Variants in SLC7A7 observed in about 807,000 individuals in gnomAD.
SLC7A7 encodes Y+L amino acid transporter 1.
Under a neutral mutation model 47.9 loss-of-function variants are expected in SLC7A7, and 39 were observed. The ratio of observed to expected loss-of-function variants is 0.81; its 90% CI spans 0.63 to 1.06. The LOEUF (loss-of-function observed/expected upper bound fraction) is 1.06. SLC7A7 is among the 50% of genes least tolerant of loss of function. The pLI, the probability that SLC7A7 is intolerant of heterozygous loss-of-function variation, is 0.00. For missense variants in SLC7A7, 588 were observed against 632.0 expected (o/e 0.93, Z 0.75); for synonymous variants, 234 against 242.8 (o/e 0.96, Z 0.34).
chr14:22,809,094 T>C lies in SLC7A7; in HGVS notation c.499+3806A>G, dbSNP rs554627240. 3.9e-5 allele frequency among the ~76,000 whole-genome samples: 6 copies of C among 152,372 alleles called. No homozygotes were observed. The South Asian group carries it at 1.2e-3, about 32-fold the overall frequency. Reference sequence around the variant, plus strand: ...ATCTCAAATGTGTGTCACACATGTGTGTACAAAACTCTATGCATTTTACTC... The same window carrying C: ...ATCTCAAATGTGTGTCACACATGTGCGTACAAAACTCTATGCATTTTACTC... On this transcript the variant is annotated intron_variant, in intron 2 of 9. Transcript: ENST00000674313.
At chr14:22,774,252 G>GTCCCAGGC in intron 8 of SLC7A7, 102 bp downstream of exon 8, 1 of 1,600,370 alleles carries the variant, frequency 6.2e-7, no homozygotes, top group Non-Finnish European at 8.6e-7. Flanking sequence ...TAACGACCAA[G>GTCCCAGGC]TCCCAGGCAA....
rs2038919739 is a variant in SLC7A7, at chr14:22,791,269, C to A, written c.500-11218G>T. Among the ~76,000 whole-genome samples the A allele has an allele frequency of 2.6e-5, 4 of 152,156 alleles. No homozygotes were observed. The South Asian group carries it at 8.3e-4, about 31-fold the overall frequency. ...CAATCCCTATAAACCTCCTCTATCC[C>A]TTACCAGGAGTTTATCTTTCTGGTA... On this transcript the variant is annotated intron_variant, in intron 2 of 9. Transcript: ENST00000674313.
intron 2 of SLC7A7, among the ~76,000 whole-genome samples, chr14:22,810,664 A>G (rs556601110): frequency 6.6e-6 from 1 of 152,180 alleles, no homozygotes; most frequent in African/African-American, 2.4e-5. Flanking sequence ...AATGCAAGAG[A>G]AATCACAGAT....
At chr14:22,775,610 T>C in intron 6 of SLC7A7, 70 bp from the exon 7 acceptor site, 1 of 1,271,410 alleles carries the variant, frequency 7.9e-7, no homozygotes, top group Non-Finnish European at 1.2e-6. Flanking sequence ...ACCTGCCACA[T>C]GGCCCTCCCT....
At chr14:22,779,655 A>G (rs2038680630) in intron 3 of SLC7A7, among the ~76,000 whole-genome samples, 1 of 151,948 alleles carries the variant, frequency 6.6e-6, no homozygotes, top group Admixed American at 6.6e-5. Flanking sequence ...GGGTTTCACC[A>G]TCTTGGCCAG....
intron 2 of SLC7A7, 138 bp downstream of exon 2, chr14:22,812,762 G>T: frequency 2.0e-6 from 1 of 506,820 alleles, no homozygotes; most frequent in Non-Finnish European, 2.8e-6. Flanking sequence ...TTCACACAAA[G>T]CATACTTTAA....
At chr14:22,784,235 A>AT (rs1441279928) in intron 2 of SLC7A7, among the ~76,000 whole-genome samples, 4 of 152,208 alleles carry the variant, frequency 2.6e-5, no homozygotes, top group Non-Finnish European at 5.9e-5. Context: ...CCAAGTCTAT[A>AT]AGAGGATAAC....
At chr14:22,817,319 TTTTTATTTTA>T (rs150800938), upstream of SLC7A7, 16 of 203,510 alleles carry the variant, frequency 7.9e-5, no homozygotes, top group East Asian at 3.4e-4. Context: ...TATTTCGGTA[TTTTTATTTTA>T]TTTTATTTTA....
intron 4 of SLC7A7, among the ~76,000 whole-genome samples, chr14:22,776,696 G>T (rs2038615133): frequency 1.3e-5 from 2 of 151,890 alleles, no homozygotes; most frequent in African/African-American, 4.8e-5. Context: ...AGCTGGGCGT[G>T]GTGGCTCACG....
intron 2 of SLC7A7, among the ~76,000 whole-genome samples, chr14:22,795,076 C>CTTTTTTT (rs3076435): frequency 7.2e-5 from 7 of 97,594 alleles, no homozygotes; most frequent in African/African-American, 1.2e-4. Context: ...TTCTTTCTTT[C>CTTTTTTT]TTTTTTTTTT....
intron 1 of SLC7A7, chr14:22,815,116 G>A: frequency 2.9e-6 from 1 of 350,296 alleles, no homozygotes; most frequent in Non-Finnish European, 5.6e-6. Context: ...GCCAAGGCAG[G>A]GAGACAGCTG....
At position 22,813,649 on chromosome 14, in the gene SLC7A7, G is replaced by A. The variant is rs796890138; in HGVS notation, c.-42-209C>T. On this transcript the variant is annotated intron_variant, in intron 1 of 9. Transcript: ENST00000674313. ...TTTATTTATTTATTGACAGAGTCTC[G>A]CTCTGTAGCCCAGGCTGGAGTGCAG... Among the ~76,000 whole-genome samples, 28 of 152,212 alleles carry A rather than the reference G, an allele frequency of 1.8e-4. 1 individual carries two copies. The highest frequency in any genetic ancestry group is 6.0e-4 in the African/African-American group (25 of 41,548).
chr14:22,804,674 G>A (rs11157832), intron 2 of SLC7A7, among the ~76,000 whole-genome samples: 25,568 of 152,046 alleles, frequency 0.17, 2,441 homozygotes, highest in East Asian at 0.43. Context: ...ATCATCTCAC[G>A]TCAGTCAGAA....
intron 2 of SLC7A7, among the ~76,000 whole-genome samples, chr14:22,782,118 T>C (rs1186910484): frequency 6.6e-6 from 1 of 152,224 alleles, no homozygotes; most frequent in African/African-American, 2.4e-5. Flanking sequence ...CTTTTTCTTT[T>C]TGAGACAGAG....
At chr14:22,812,480 T>C (rs1276666360) in intron 2 of SLC7A7, among the ~76,000 whole-genome samples, 3 of 151,716 alleles carry the variant, frequency 2.0e-5, no homozygotes, top group Admixed American at 6.6e-5. Context: ...ACTACATCTC[T>C]TGAAGGAACA....
intron 4 of SLC7A7, 54 bp from the exon 5 acceptor site, chr14:22,776,372 C>A: frequency 6.2e-7 from 1 of 1,611,884 alleles, no homozygotes; most frequent in African/African-American, 1.3e-5. Context: ...ATCCCTATCT[C>A]TCCTTTAATC....
At chr14:22,802,965 C>A (rs2039141186) in intron 2 of SLC7A7, among the ~76,000 whole-genome samples, 1 of 152,064 alleles carries the variant, frequency 6.6e-6, no homozygotes, top group African/African-American at 2.4e-5. Flanking sequence ...AACGTCCTGC[C>A]CCCTTCTTCA....
rs184517032 is a variant in SLC7A7, at chr14:22,784,576, C to G, written c.500-4525G>C. Among the ~76,000 whole-genome samples the G allele has an allele frequency of 5.9e-5, 9 of 151,990 alleles. 1 individual carries two copies. Among genetic ancestry groups the G allele is most frequent in the Admixed American group, 4.6e-4 (7 of 15,266 alleles). On this transcript the variant is annotated intron_variant, in intron 2 of 9. Coordinates refer to ENST00000674313, the MANE Select transcript of SLC7A7 (RefSeq NM_003982.4). Reference sequence around the variant, plus strand: ...GAGGATGCAGTGAGCCAAGATCACACCACTGCACTCCAGCCTGGTGACAGA... The same window carrying G: ...GAGGATGCAGTGAGCCAAGATCACAGCACTGCACTCCAGCCTGGTGACAGA...
rs747126571 is a variant in SLC7A7 at position 22,779,895 on chromosome 14, A to G, written c.625+31T>C. ...TGCGGCTCACAGAAAATGCTTAAAA[A>G]AGATTAGTTGCTACTAATATTATTT... On this transcript the variant is annotated intron_variant, in intron 3 of 9. Transcript: ENST00000674313. The G allele has an allele frequency of 4.3e-6, 7 of 1,611,140 alleles. No individual in the cohort carries two copies. The South Asian group carries it at 7.7e-5, about 18-fold the overall frequency.
Sources: allele counts gnomAD v4.1 joint callset (sites outside exome capture counted in the v4.1 genomes callset), GRCh38; gene constraint gnomAD v4.1.1; transcripts MANE v1.5; gene names NCBI Gene and HGNC (gene_info 2026-07-23, HGNC 2026-07-21).